NTM: variants seen among roughly 807,000 people sequenced by gnomAD.
NTM encodes IgLON family member 2.
Under a neutral mutation model 42.1 loss-of-function variants are expected in NTM, and 13 were observed. The ratio of observed to expected loss-of-function variants is 0.31; its 90% confidence interval spans 0.20 to 0.49. NTM has a LOEUF of 0.49. Ranked by LOEUF, NTM falls within the 20% of genes least tolerant of loss-of-function variation. NTM has a pLI of 0.99. For synonymous variants in NTM, 187 were observed against 179.2 expected, an observed-to-expected ratio of 1.04 and a Z score of -0.35; for missense variants, 373 against 452.8, an observed-to-expected ratio of 0.82 and a Z score of 1.60.
At chr11:131,741,159 C>T (rs1395939871) in intron 1 of NTM, among the ~76,000 whole-genome samples, 22 of 120,642 alleles carry the variant, frequency 1.8e-4, no homozygotes, top group Admixed American at 1.8e-3. Flanking sequence ...AGCAAGACCC[C>T]GTTGAGAGAG....
At chr11:131,511,330 G>C (rs1397583164) in intron 1 of NTM, among the ~76,000 whole-genome samples, 1 of 152,250 alleles carries the variant, frequency 6.6e-6, no homozygotes, top group Non-Finnish European at 1.5e-5. Flanking sequence ...ACACCAGCCA[G>C]TGGGAAGAGT....
intron 1 of NTM, among the ~76,000 whole-genome samples, chr11:131,493,779 C>G (rs887702377): frequency 2.0e-5 from 3 of 152,096 alleles, no homozygotes; most frequent in African/African-American, 7.2e-5. Context: ...TACACTGTAC[C>G]TCCCTATTCC....
intron 2 of NTM, among the ~76,000 whole-genome samples, chr11:131,962,323 T>G (rs1412425455): frequency 2.0e-5 from 3 of 152,248 alleles, no homozygotes; most frequent in Non-Finnish European, 4.4e-5. Flanking sequence ...TCTAATGTTA[T>G]GGACTGCACA....
chr11:131,946,286 G>A (rs1298079290), intron 2 of NTM, among the ~76,000 whole-genome samples: 2 of 152,078 alleles, frequency 1.3e-5, no homozygotes, highest in African/African-American at 4.8e-5. Context: ...AGACATATGT[G>A]CTTTTTAAAC....
intron 1 of NTM, among the ~76,000 whole-genome samples, chr11:131,513,113 G>T (rs407461): frequency 6.6e-6 from 1 of 152,074 alleles, no homozygotes; most frequent in African/African-American, 2.4e-5. Flanking sequence ...ATGGCTCCCC[G>T]TCCCTGAGCT....
chr11:131,440,690 CTA>C (rs1949539987), intron 1 of NTM, among the ~76,000 whole-genome samples: 1 of 151,814 alleles, frequency 6.6e-6, no homozygotes, highest in Non-Finnish European at 1.5e-5. Context: ...AATAAGCTCT[CTA>C]TCTCTTCCCA....
intron 1 of NTM, among the ~76,000 whole-genome samples, chr11:131,727,436 T>C (rs1034795145): frequency 6.6e-6 from 1 of 152,150 alleles, no homozygotes; most frequent in Non-Finnish European, 1.5e-5. Context: ...TTCCCTGGGT[T>C]TTCAATTAAA....
chr11:131,528,685 G>A (rs2050832284), intron 1 of NTM, among the ~76,000 whole-genome samples: 2 of 152,022 alleles, frequency 1.3e-5, no homozygotes, highest in African/African-American at 4.8e-5. Context: ...TTTATCTACC[G>A]CCTCCCACAG....
chr11:132,311,755 A>AAAAT (rs1295520590), intron 6 of NTM, among the ~76,000 whole-genome samples: 1 of 151,392 alleles, frequency 6.6e-6, no homozygotes, highest in African/African-American at 2.5e-5. Context: ...TTATTGGAGA[A>AAAAT]AAATAGAAAA....
At position 132,336,335 on chromosome 11, in the gene NTM, T is replaced by G. The variant is rs1380769047; in HGVS notation, c.*1189T>G. On this transcript the variant is annotated 3_prime_UTR_variant, in exon 9 of 9. Coordinates refer to ENST00000683400, the MANE Select transcript of NTM (RefSeq NM_001352005.2). ...TAATTGTGTAATCAGCTCCTGCCTT[T>G]TTATTTTCTTGGGTTATTTACATGT... The G allele has an allele frequency of 6.6e-6, 1 of 152,496 alleles. No individual in the cohort carries two copies. Among genetic ancestry groups the G allele is most frequent in the African/African-American group, 2.4e-5 (1 of 41,434 alleles). The allele number at this position is 152,496 out of a possible 1,614,324, so 9.4% of individuals were successfully genotyped here.
intron 1 of NTM, chr11:131,769,649 C>T (rs986059789): frequency 4.6e-5 from 42 of 908,840 alleles, no homozygotes; most frequent in African/African-American, 1.8e-4. Flanking sequence ...AGCATGAGCT[C>T]GCTTTTACAG....
intron 1 of NTM, among the ~76,000 whole-genome samples, chr11:131,871,659 A>C (rs1053094030): frequency 2.0e-5 from 3 of 152,146 alleles, no homozygotes; most frequent in Admixed American, 2.0e-4. Context: ...TCTCCCTGTT[A>C]ATCCAAGGAG....
chr11:132,166,270 T>C (rs116443109), intron 3 of NTM, among the ~76,000 whole-genome samples: 2,580 of 152,240 alleles, frequency 0.017, 77 homozygotes, highest in African/African-American at 0.055. Context: ...AATGTCAGTT[T>C]TGCAATGAGT....
chr11:132,002,558 C>T lies in NTM; in HGVS notation c.167+90910C>T, dbSNP rs2069548674. On this transcript the variant is annotated intron_variant, in intron 2 of 8. Transcript: ENST00000683400. The surrounding 1 kb of genome is among the most constrained non-coding windows in gnomAD (Gnocchi z 4.5). Reference sequence around the variant, plus strand: ...TGAAATGATGTGTTGGTGTCTGTCCCCCAAATTGGAGGCTTCTGGCCATTG... The same window carrying T: ...TGAAATGATGTGTTGGTGTCTGTCCTCCAAATTGGAGGCTTCTGGCCATTG... Among the ~76,000 whole-genome samples the T allele has an allele frequency of 6.6e-6, 1 of 152,168 alleles. No individual in the cohort carries two copies. The highest frequency in any genetic ancestry group is 1.5e-5 in the Non-Finnish European group (1 of 68,036).
At chr11:132,175,810 C>G (rs1391033038) in intron 3 of NTM, among the ~76,000 whole-genome samples, 1 of 152,146 alleles carries the variant, frequency 6.6e-6, no homozygotes, top group Non-Finnish European at 1.5e-5. Context: ...AGCAGCCACC[C>G]TTAGAAGTTC....
At chr11:131,566,389 C>T (rs1044678645) in intron 1 of NTM, among the ~76,000 whole-genome samples, 15 of 151,888 alleles carry the variant, frequency 9.9e-5, no homozygotes, top group Non-Finnish European at 2.2e-4. Flanking sequence ...GGAGTCTCCC[C>T]GTACCTGCCA....
chr11:131,802,263 A>C (rs1051449377), intron 1 of NTM, among the ~76,000 whole-genome samples: 1 of 152,216 alleles, frequency 6.6e-6, no homozygotes, highest in Non-Finnish European at 1.5e-5. Flanking sequence ...GAATTAATTC[A>C]GCTTTTCTCT....
At chr11:132,218,451 G>A (rs563207364) in intron 4 of NTM, among the ~76,000 whole-genome samples, 11 of 152,266 alleles carry the variant, frequency 7.2e-5, no homozygotes, top group Admixed American at 5.9e-4. Context: ...TTTAGTCTTG[G>A]CTGTGCTCTG....
chr11:131,456,636 G>A (rs370046635), intron 1 of NTM, among the ~76,000 whole-genome samples: 15 of 152,208 alleles, frequency 9.9e-5, no homozygotes, highest in South Asian at 4.2e-4. Flanking sequence ...AGGGGAGCCC[G>A]AAAGGAAACC....
Sources: gnomAD v4.1 joint callset for allele counts (sites outside exome capture counted in the v4.1 genomes callset) on GRCh38, gnomAD v4.1.1 for gene constraint, Gnocchi (gnomAD v3.1) non-coding constraint, MANE v1.5 for transcripts, NCBI Gene and HGNC (gene_info 2026-07-23, HGNC 2026-07-21) for gene names.